WNT9B: variants seen among roughly 807,000 people sequenced by gnomAD.
WNT9B encodes the protein protein Wnt-9b.
WNT9B carries 12 observed loss-of-function variants against 30.2 expected under a neutral mutation model. The observed-to-expected ratio is 0.40, with a 90% CI of 0.26 to 0.64. The LOEUF is 0.64. Ranked by LOEUF, WNT9B falls within the 30% of genes least tolerant of loss-of-function variation. The pLI is 0.42. For missense variants in WNT9B, 442 were observed against 485.2 expected (o/e 0.91, Z 0.84); for synonymous variants, 218 against 216.9 (o/e 1.01, Z -0.05).
intron 1 of WNT9B, among the ~76,000 whole-genome samples, chr17:46,841,870 G>T (rs950684023): frequency 2.0e-5 from 3 of 152,254 alleles, no homozygotes; most frequent in Non-Finnish European, 4.4e-5. Context: ...GACCCCGCAG[G>T]GCCCTTCTTG....
chr17:46,852,613 T>G (rs2084872520), intron 1 of WNT9B, among the ~76,000 whole-genome samples: 1 of 151,888 alleles, frequency 6.6e-6, no homozygotes, highest in Non-Finnish European at 1.5e-5. Context: ...AGGGATTTGG[T>G]GAGGGATGGG....
intron 1 of WNT9B, among the ~76,000 whole-genome samples, chr17:46,852,327 C>G (rs2084864453): frequency 6.6e-6 from 1 of 151,932 alleles, no homozygotes; most frequent in Admixed American, 6.6e-5. Flanking sequence ...GAAATGCGAC[C>G]ACATCTCAGA....
intron 1 of WNT9B, among the ~76,000 whole-genome samples, chr17:46,869,026 G>A (rs554949348): frequency 8.5e-5 from 13 of 152,346 alleles, no homozygotes; most frequent in African/African-American, 2.9e-4. Context: ...AAAATAAACA[G>A]AGGGAAACTG....
chr17:46,861,053 G>T (rs1251544489), intron 1 of WNT9B, among the ~76,000 whole-genome samples: 1 of 152,080 alleles, frequency 6.6e-6, no homozygotes, highest in Non-Finnish European at 1.5e-5. Context: ...TGTGCGTGTT[G>T]GGGGGAAACT....
chr17:46,859,713 G>A (rs564343328), intron 1 of WNT9B, among the ~76,000 whole-genome samples: 3 of 152,130 alleles, frequency 2.0e-5, no homozygotes, highest in South Asian at 2.1e-4. Context: ...GTAGTATCTC[G>A]TCAATATCCA....
chr17:46,883,004 A>G (rs1568135882), downstream of WNT9B, among the ~76,000 whole-genome samples: 1 of 150,828 alleles, frequency 6.6e-6, no homozygotes, highest in Non-Finnish European at 1.5e-5. Context: ...TTTGAGACAG[A>G]GTCTCCCTCT....
chr17:46,879,829 G>A lies in WNT9B; in HGVS notation c.*3111G>A, dbSNP rs2085400115. On this transcript the variant is annotated 3_prime_UTR_variant, in exon 4 of 4. Transcript: ENST00000290015. ...CCTTTTGGATCTGGATGGCATGTTG[G>A]CACTTCCCCCAAGTGGAGTCCCATG... Among the ~76,000 whole-genome samples the A allele has an allele frequency of 6.6e-6, 1 of 152,134 alleles. No individual in the cohort carries two copies. The highest frequency in any genetic ancestry group is 2.1e-4 in the South Asian group (1 of 4,824).
At chr17:46,833,517 G>C (rs1218054145) in intron 1 of WNT9B, 1 of 444,764 alleles carries the variant, frequency 2.2e-6, no homozygotes, top group African/African-American at 2.0e-5. Flanking sequence ...ACTTCTCTCT[G>C]AGCTTTCCGA....
At chr17:46,861,002 G>T (rs1359847873) in intron 1 of WNT9B, among the ~76,000 whole-genome samples, 2 of 152,190 alleles carry the variant, frequency 1.3e-5, no homozygotes, top group Non-Finnish European at 2.9e-5. Flanking sequence ...GGGATTACAG[G>T]CCCAAGGCAT....
At chr17:46,875,429 C>T (rs2085329341) in intron 3 of WNT9B, 63 bp downstream of exon 3, 1 of 1,492,326 alleles carries the variant, frequency 6.7e-7, no homozygotes, top group Non-Finnish European at 8.9e-7. Flanking sequence ...GGGAGCATGG[C>T]TTGAAGGAGG....
rs2085269065 is a variant in WNT9B at position 46,872,667 on chromosome 17, G to T, written c.228G>T (p.Glu76Asp). The part of the protein sequence containing the change: ...QLCRREPGLA[E>D]TLRDAAHLGL... ...GCCGGAGGGAGCCCGGCCTGGCTGA[G>T]ACCCTGAGGGATGCTGCGCACCTCG... Residue 76 changes from glutamate to aspartate, a missense_variant, in exon 2 of 4, where the codon GAG (glutamate) becomes GAT (aspartate). Coordinates refer to ENST00000290015, the MANE Select transcript of WNT9B (RefSeq NM_003396.3). 1 of 1,613,622 alleles carries T rather than the reference G, an allele frequency of 6.2e-7. No homozygotes were observed. Among genetic ancestry groups the T allele is most frequent in the East Asian group, 2.2e-5 (1 of 44,882 alleles).
intron 1 of WNT9B, among the ~76,000 whole-genome samples, chr17:46,856,395 G>A (rs979789514): frequency 6.6e-6 from 1 of 152,110 alleles, no homozygotes; most frequent in Non-Finnish European, 1.5e-5. Context: ...TGGTGGAAGT[G>A]TCATTACTAT....
intron 1 of WNT9B, among the ~76,000 whole-genome samples, chr17:46,868,812 G>A (rs976874872): frequency 2.0e-5 from 3 of 152,274 alleles, no homozygotes; most frequent in South Asian, 2.1e-4. Context: ...AGGGGATGAC[G>A]TTGTTCCTGC....
chr17:46,859,143 AT>A (rs2084991369), intron 1 of WNT9B, among the ~76,000 whole-genome samples: 2 of 151,062 alleles, frequency 1.3e-5, no homozygotes, highest in Non-Finnish European at 1.5e-5. Flanking sequence ...TGCCTAGCTA[AT>A]TTTGTATTTT....
intron 1 of WNT9B, among the ~76,000 whole-genome samples, chr17:46,857,473 T>TAAAA (rs1226682621): frequency 1.5e-5 from 1 of 67,166 alleles, no homozygotes; most frequent in African/African-American, 8.1e-5. Context: ...AGACTCTGTC[T>TAAAA]CAAAAAAAAA....
intron 1 of WNT9B, among the ~76,000 whole-genome samples, chr17:46,843,095 T>A (rs1668938403): frequency 6.6e-6 from 1 of 152,180 alleles, no homozygotes; most frequent in Non-Finnish European, 1.5e-5. Context: ...AGGCACCTCA[T>A]GAGGAAGAAG....
At chr17:46,866,089 T>A (rs796188686) in intron 1 of WNT9B, among the ~76,000 whole-genome samples, 5 of 152,124 alleles carry the variant, frequency 3.3e-5, no homozygotes, top group African/African-American at 1.2e-4. Context: ...AGGTGCAAGG[T>A]GGCATTGGGT....
At chr17:46,860,142 T>C (rs2085010885) in intron 1 of WNT9B, among the ~76,000 whole-genome samples, 1 of 152,182 alleles carries the variant, frequency 6.6e-6, no homozygotes, top group African/African-American at 2.4e-5. Flanking sequence ...GGCTGAGCTG[T>C]AACCCCTGAG....
chr17:46,873,826 C>T (rs931828663), intron 2 of WNT9B, among the ~76,000 whole-genome samples: 3 of 151,962 alleles, frequency 2.0e-5, no homozygotes, highest in African/African-American at 7.3e-5. Context: ...CCCATCTCTA[C>T]TAAAAATACA....
Sources: allele counts gnomAD v4.1 joint callset (sites outside exome capture counted in the v4.1 genomes callset), GRCh38; gene constraint gnomAD v4.1.1; transcripts MANE v1.5; gene names NCBI Gene and HGNC (gene_info 2026-07-23, HGNC 2026-07-21).